The following ZFYVE9 variants were observed in gnomAD, a reference collection of about 807,000 sequenced individuals.
ZFYVE9 encodes the protein zinc finger FYVE domain-containing protein 9.
ZFYVE9 carries 43 observed loss-of-function variants against 126.7 expected under a neutral mutation model. The observed-to-expected ratio is 0.34, with a 90% CI of 0.27 to 0.44. ZFYVE9 has a LOEUF of 0.44. Among genes scored for constraint, ZFYVE9 ranks in the 20% least tolerant of loss-of-function variants. The pLI, the probability that ZFYVE9 is intolerant of heterozygous loss-of-function variation, is 1.00. For missense variants in ZFYVE9, 1,476 were observed against 1,697.0 expected (o/e 0.87, Z 2.29); for synonymous variants, 521 against 597.4 (o/e 0.87, Z 1.87).
chr1:52,345,602 G>T (rs186534143), intron 18 of ZFYVE9: 1 of 154,882 alleles, frequency 6.5e-6, no homozygotes, highest in Non-Finnish European at 1.4e-5. Flanking sequence ...TGAGCCTCTT[G>T]AGGGCAGGGC....
At chr1:52,321,911 TG>T (rs1646244057) in intron 13 of ZFYVE9, among the ~76,000 whole-genome samples, 1 of 152,206 alleles carries the variant, frequency 6.6e-6, no homozygotes, top group African/African-American at 2.4e-5. Context: ...TACATTTCCT[TG>T]GTAATCTTAT....
At chr1:52,284,577 G>A (rs1276444008) in intron 10 of ZFYVE9, among the ~76,000 whole-genome samples, 2 of 151,900 alleles carry the variant, frequency 1.3e-5, no homozygotes, top group Non-Finnish European at 2.9e-5. Flanking sequence ...CCGCCACCAC[G>A]CCTGGCTAAT....
intron 13 of ZFYVE9, among the ~76,000 whole-genome samples, chr1:52,323,651 T>G (rs1307089090): frequency 6.6e-6 from 1 of 152,156 alleles, no homozygotes; most frequent in Non-Finnish European, 1.5e-5. Flanking sequence ...CTTTGCCTCA[T>G]GCCTGTAATC....
chr1:52,315,091 A>G lies in ZFYVE9; in HGVS notation c.3438+11166A>G, dbSNP rs150056580. The stretch of plus-strand genomic sequence containing the variant: ...GAAAAGTGACAGAAATGATAAATTT[A>G]TAGGTAAACATAACATCTTTTTAAA... On this transcript the variant is annotated intron_variant, in intron 13 of 18. Transcript: ENST00000287727. 4.0e-3 allele frequency among the ~76,000 whole-genome samples: 604 copies of G among 152,354 alleles called. 1 individual carries two copies. The highest frequency in any genetic ancestry group is 6.5e-3 in the Admixed American group (99 of 15,302).
At chr1:52,190,963 C>T (rs961930706) in intron 1 of ZFYVE9, among the ~76,000 whole-genome samples, 4 of 151,954 alleles carry the variant, frequency 2.6e-5, no homozygotes, top group Non-Finnish European at 5.9e-5. Flanking sequence ...CCCTTCCTTC[C>T]TTCCTTCCTT....
chr1:52,263,753 TCCCCCCCC>T lies in ZFYVE9; in HGVS notation c.2179-12_2179-5del. 4 of 713,076 alleles carry T rather than the reference TCCCCCCCC, an allele frequency of 5.6e-6. No individual in the cohort carries two copies. Among genetic ancestry groups the T allele is most frequent in the Non-Finnish European group, 6.1e-6 (3 of 490,698 alleles). The allele number at this position is 713,076 out of a possible 1,614,324, so 44.2% of individuals were successfully genotyped here. On this transcript the variant is annotated splice_polypyrimidine_tract_variant and intron_variant, in intron 4 of 18. Coordinates refer to ENST00000287727, the MANE Select transcript of ZFYVE9 (RefSeq NM_004799.4). ...ATCCCAAGTAAATTTTGTGTGTTCT[TCCCCCCCC>T]CCCCCCCACAGGTTTTCTGTGCTTC... is the stretch of plus-strand genomic sequence containing the variant.
intron 15 of ZFYVE9, chr1:52,335,325 C>T (rs1360836753): frequency 6.5e-6 from 1 of 152,974 alleles, no homozygotes; most frequent in Non-Finnish European, 1.5e-5. Flanking sequence ...GATCAGTAAT[C>T]TTGACAGGGC....
chr1:52,276,186 G>A (rs747384054), intron 8 of ZFYVE9, among the ~76,000 whole-genome samples: 3 of 152,094 alleles, frequency 2.0e-5, no homozygotes, highest in Non-Finnish European at 2.9e-5. Flanking sequence ...GATTACAGGC[G>A]TGAGCTACCA....
intron 3 of ZFYVE9, among the ~76,000 whole-genome samples, chr1:52,233,937 T>C (rs1029930202): frequency 6.6e-6 from 1 of 152,028 alleles, no homozygotes; most frequent in Non-Finnish European, 1.5e-5. Context: ...CCCGCCACCA[T>C]GCCTGGCTAA....
At chr1:52,323,942 T>G (rs1231055560) in intron 13 of ZFYVE9, among the ~76,000 whole-genome samples, 1 of 150,724 alleles carries the variant, frequency 6.6e-6, no homozygotes, top group East Asian at 1.9e-4. Context: ...GCCTGTAATT[T>G]GAGCTACTTG....
intron 2 of ZFYVE9, among the ~76,000 whole-genome samples, chr1:52,216,895 A>G (rs1033590762): frequency 6.6e-6 from 1 of 152,216 alleles, no homozygotes; most frequent in African/African-American, 2.4e-5. Flanking sequence ...ATGTAGAGCA[A>G]TAATTTCCAG....
rs1263192819 is a variant in ZFYVE9 at position 52,239,413 on chromosome 1, C to A, written c.1996C>A (p.Pro666Thr). ...ISTRPCLALA[P>T]DSPDNDLRAG... The stretch of plus-strand genomic sequence containing the variant: ...CACTAGACCATGCCTTGCATTAGCT[C>A]CAGATAGCCCAGATAATGATCTCAG... Residue 666 changes from proline to threonine, a missense_variant, in exon 4 of 19, where the codon CCA becomes ACA. Coordinates refer to ENST00000287727, the MANE Select transcript of ZFYVE9 (RefSeq NM_004799.4). 4 of 1,613,972 alleles carry A rather than the reference C, an allele frequency of 2.5e-6. No individual in the cohort carries two copies. The Admixed American group carries it at 6.7e-5, about 27-fold the overall frequency.
chr1:52,221,371 G>A (rs918765294), intron 2 of ZFYVE9, among the ~76,000 whole-genome samples: 3 of 152,188 alleles, frequency 2.0e-5, no homozygotes, highest in Non-Finnish European at 4.4e-5. Context: ...GCATTTATGC[G>A]TAGATTCTTC....
intron 13 of ZFYVE9, among the ~76,000 whole-genome samples, chr1:52,321,596 C>T (rs1646239899): frequency 6.6e-6 from 1 of 152,204 alleles, no homozygotes; most frequent in Admixed American, 6.5e-5. Context: ...CAGGATAGTA[C>T]TGTCTTCTCT....
At chr1:52,272,739 G>A (rs111563559) in intron 7 of ZFYVE9, among the ~76,000 whole-genome samples, 1 of 144,616 alleles carries the variant, frequency 6.9e-6, no homozygotes, top group African/African-American at 2.6e-5. Flanking sequence ...GCAGGATCTC[G>A]GCTCACTGCA....
chr1:52,240,128 T>C (rs1645319270), intron 4 of ZFYVE9, among the ~76,000 whole-genome samples: 1 of 152,226 alleles, frequency 6.6e-6, no homozygotes, highest in Admixed American at 6.5e-5. Context: ...TTTTCTCCCA[T>C]ATAACTTTGA....
chr1:52,217,140 GCACACCGAA>G (rs1186984522), intron 2 of ZFYVE9, among the ~76,000 whole-genome samples: 1 of 152,182 alleles, frequency 6.6e-6, no homozygotes, highest in Non-Finnish European at 1.5e-5. Context: ...AAATGCAAGA[GCACACCGAA>G]CAAAGGAAGG....
At chr1:52,345,159 G>C (rs540165332) in intron 18 of ZFYVE9, among the ~76,000 whole-genome samples, 2 of 152,288 alleles carry the variant, frequency 1.3e-5, no homozygotes, top group African/African-American at 4.8e-5. Flanking sequence ...TTCTTCACCT[G>C]CATGCCTTCC....
intron 2 of ZFYVE9, among the ~76,000 whole-genome samples, chr1:52,224,375 C>A (rs1645151068): frequency 6.6e-6 from 1 of 152,050 alleles, no homozygotes. Context: ...GGAAGGTGGT[C>A]TAGAGGATCC....
Sources: allele counts gnomAD v4.1 joint callset (sites outside exome capture counted in the v4.1 genomes callset), GRCh38; gene constraint gnomAD v4.1.1; transcripts MANE v1.5; gene names NCBI Gene and HGNC (gene_info 2026-07-23, HGNC 2026-07-21).